Variants in HPSE2 observed in about 807,000 individuals in gnomAD.
HPSE2 encodes heparanase 2 (inactive).
Under a neutral mutation model 60.5 loss-of-function variants are expected in HPSE2, and 38 were observed. That is an observed-to-expected ratio of 0.63 (90% confidence interval 0.48 to 0.82). The LOEUF is 0.82. Ranked by LOEUF, HPSE2 falls within the 40% of genes least tolerant of loss-of-function variation. The pLI is 0.00. For missense variants in HPSE2, 713 were observed against 740.4 expected (o/e 0.96, Z 0.43); for synonymous variants, 295 against 293.2 (o/e 1.01, Z -0.06).
intron 6 of HPSE2, among the ~76,000 whole-genome samples, chr10:98,657,884 G>T (rs572567573): frequency 1.3e-5 from 2 of 152,286 alleles, no homozygotes; most frequent in African/African-American, 2.4e-5. Context: ...AGTTGGTAAG[G>T]TTGAAAAATT....
At chr10:99,215,470 G>A in intron 2 of HPSE2, among the ~76,000 whole-genome samples, 1 of 152,166 alleles carries the variant, frequency 6.6e-6, no homozygotes, top group East Asian at 1.9e-4. Context: ...GGCGGGGTAG[G>A]GGGGCGAAAG....
intron 3 of HPSE2, among the ~76,000 whole-genome samples, chr10:98,745,018 C>T (rs761651677): frequency 4.6e-5 from 7 of 152,092 alleles, no homozygotes; most frequent in Admixed American, 1.3e-4. Flanking sequence ...CTGGCTAACA[C>T]GGTGAAACCC....
At chr10:98,524,310 A>AGCATT (rs1942891868) in intron 9 of HPSE2, among the ~76,000 whole-genome samples, 1 of 152,198 alleles carries the variant, frequency 6.6e-6, no homozygotes, top group African/African-American at 2.4e-5. Flanking sequence ...ATGCCCCGTG[A>AGCATT]GCACACAGTT....
At chr10:98,623,887 C>A (rs1213935047) in intron 7 of HPSE2, among the ~76,000 whole-genome samples, 1 of 151,620 alleles carries the variant, frequency 6.6e-6, no homozygotes, top group East Asian at 1.9e-4. Context: ...ATCTCAGAAA[C>A]AAAGATCTGG....
chr10:98,632,653 G>T (rs985657292), intron 7 of HPSE2, among the ~76,000 whole-genome samples: 2 of 152,050 alleles, frequency 1.3e-5, no homozygotes, highest in East Asian at 3.8e-4. Flanking sequence ...CTAATTTACC[G>T]AGAAGTTCAT....
At chr10:98,986,976 G>A (rs1382549393) in intron 3 of HPSE2, among the ~76,000 whole-genome samples, 2 of 152,046 alleles carry the variant, frequency 1.3e-5, no homozygotes, top group Non-Finnish European at 2.9e-5. Flanking sequence ...ACCAATAGCA[G>A]GCTCCGAAAT....
intron 5 of HPSE2, among the ~76,000 whole-genome samples, chr10:98,714,928 C>A: frequency 6.6e-6 from 1 of 151,780 alleles, no homozygotes; most frequent in East Asian, 1.9e-4. Context: ...ATTTCCCTAA[C>A]AACTAACAAT....
At chr10:98,515,615 T>G (rs1156866056) in intron 9 of HPSE2, among the ~76,000 whole-genome samples, 1 of 152,226 alleles carries the variant, frequency 6.6e-6, no homozygotes, top group Non-Finnish European at 1.5e-5. Context: ...AGGATATACA[T>G]ATAAATGAAA....
chr10:99,043,494 AAAAC>A (rs779070604), intron 3 of HPSE2, among the ~76,000 whole-genome samples: 156 of 152,232 alleles, frequency 1.0e-3, no homozygotes, highest in Admixed American at 2.9e-3. Context: ...CCATCTCATA[AAAAC>A]AAACAAACAA....
chr10:99,186,123 C>CAT lies in HPSE2; in HGVS notation c.449-41725_449-41724insAT, dbSNP rs1848002979. 2.1e-5 allele frequency among the ~76,000 whole-genome samples: 3 copies of CAT among 145,780 alleles called. 1 individual carries two copies. The East Asian group carries it at 6.1e-4, about 29-fold the overall frequency. ...AAATAACCACACACACACACACACA[C>CAT]ACACACACACACACACACACACACA... On this transcript the variant is annotated intron_variant, in intron 2 of 11. Coordinates refer to ENST00000370552, the MANE Select transcript of HPSE2 (RefSeq NM_021828.5).
the HPSE2 span, among the ~76,000 whole-genome samples, chr10:99,310,557 A>G: frequency 6.6e-6 from 1 of 152,204 alleles, no homozygotes; most frequent in African/African-American, 2.4e-5. Context: ...GAAAATTGTT[A>G]TATCACCCCT....
rs548789612 is a variant in HPSE2 at position 98,619,201 on chromosome 10, T to A, written c.1205+1401A>T. Among the ~76,000 whole-genome samples, 7 of 152,074 alleles carry A rather than the reference T, an allele frequency of 4.6e-5. No homozygotes were observed. The East Asian group carries it at 1.4e-3, about 29-fold the overall frequency. ...AGCTGTTAGTAGCAAAACACATAGCTGAGGGCAAAGCTATGGTTCTTAGGA... is the reference window on the plus strand; with the variant it reads ...AGCTGTTAGTAGCAAAACACATAGCAGAGGGCAAAGCTATGGTTCTTAGGA... On this transcript the variant is annotated intron_variant, in intron 8 of 11. Coordinates refer to ENST00000370552, the MANE Select transcript of HPSE2 (RefSeq NM_021828.5).
chr10:98,685,103 G>T (rs1212030165), intron 6 of HPSE2, among the ~76,000 whole-genome samples: 1 of 152,072 alleles, frequency 6.6e-6, no homozygotes, highest in Admixed American at 6.6e-5. Flanking sequence ...TACTGTACTT[G>T]TTTTTCATAA....
chr10:98,744,904 A>T (rs1274749775), intron 3 of HPSE2, among the ~76,000 whole-genome samples: 1 of 152,140 alleles, frequency 6.6e-6, no homozygotes, highest in Admixed American at 6.5e-5. Flanking sequence ...TATGACCACT[A>T]CTACAAATAC....
chr10:99,280,510 T>C, the HPSE2 span, among the ~76,000 whole-genome samples: 130,279 of 152,246 alleles, frequency 0.86, 56,109 homozygotes, highest in African/African-American at 0.92. Flanking sequence ...TCAACTTCCC[T>C]TCCACACCTT....
chr10:98,561,953 G>A, intron 9 of HPSE2, among the ~76,000 whole-genome samples: 1 of 152,216 alleles, frequency 6.6e-6, no homozygotes, highest in South Asian at 2.1e-4. Context: ...GTAGTGTATA[G>A]TAATGTCTTA....
chr10:98,890,507 A>C (rs1412937656), intron 3 of HPSE2, among the ~76,000 whole-genome samples: 1 of 152,224 alleles, frequency 6.6e-6, no homozygotes, highest in Non-Finnish European at 1.5e-5. Context: ...ATACTTGTAT[A>C]TAAAGGCAAG....
intron 3 of HPSE2, among the ~76,000 whole-genome samples, chr10:99,056,437 A>G (rs1241375176): frequency 6.6e-6 from 1 of 152,162 alleles, no homozygotes; most frequent in African/African-American, 2.4e-5. Context: ...GAATGCTTTC[A>G]CCTCATTTTA....
intron 5 of HPSE2, among the ~76,000 whole-genome samples, chr10:98,711,255 G>C (rs1235450821): frequency 6.6e-6 from 1 of 152,008 alleles, no homozygotes. Flanking sequence ...ATTTGACCTG[G>C]CTGTAGAGCC....
Sources: gnomAD v4.1 joint callset for allele counts (sites outside exome capture counted in the v4.1 genomes callset) on GRCh38, gnomAD v4.1.1 for gene constraint, MANE v1.5 for transcripts, NCBI Gene and HGNC (gene_info 2026-07-23, HGNC 2026-07-21) for gene names.